Variants in LSM12 observed in about 807,000 individuals in gnomAD.
LSM12 encodes LSM12 homolog.
For synonymous variants in LSM12, 74 were observed against 87.3 expected, an observed-to-expected ratio of 0.85 and a Z score of 0.85; for missense variants, 108 against 238.9, an observed-to-expected ratio of 0.45 and a Z score of 3.61.
At chr17:44,062,701 G>A (rs1053256777) in intron 2 of LSM12, among the ~76,000 whole-genome samples, 5 of 151,844 alleles carry the variant, frequency 3.3e-5, no homozygotes, top group East Asian at 1.9e-4. Context: ...AGCCTGGCCA[G>A]CATGGTGAAA....
At chr17:44,053,417 GGA>G (rs1408654431) in intron 2 of LSM12, among the ~76,000 whole-genome samples, 1 of 152,128 alleles carries the variant, frequency 6.6e-6, no homozygotes, top group Non-Finnish European at 1.5e-5. Flanking sequence ...CACGTACCTT[GGA>G]CATATGACCA....
rs570918070 is a variant in LSM12 at position 44,040,355 on chromosome 17, G to C, written c.259-99C>G. On this transcript the variant is annotated intron_variant, in intron 2 of 4. Transcript: ENST00000293406. The stretch of plus-strand genomic sequence containing the variant: ...GAAGAAAGGAGGCCAGGAAAGACTT[G>C]TTTGGACAGATTCTGTTTTCTCAGA... 11 of 818,764 alleles carry C rather than the reference G, an allele frequency of 1.3e-5. No individual in the cohort carries two copies. The African/African-American group carries it at 1.4e-4, about 10-fold the overall frequency. 50.7% of individuals were successfully genotyped at this position (818,764 alleles called of 1,614,324 possible). A position where few individuals can be genotyped will look rare whatever the true frequency, so the allele number is the denominator to read the frequency against.
At chr17:44,057,262 G>T (rs2049728369) in intron 2 of LSM12, among the ~76,000 whole-genome samples, 1 of 149,464 alleles carries the variant, frequency 6.7e-6, no homozygotes, top group South Asian at 2.1e-4. Context: ...CCATTCTCCT[G>T]CCTCAGCCTC....
intron 2 of LSM12, among the ~76,000 whole-genome samples, chr17:44,042,705 C>CA (rs757244334): frequency 1.3e-5 from 2 of 152,162 alleles, no homozygotes; most frequent in Non-Finnish European, 2.9e-5. Context: ...GCTGGGACTA[C>CA]AGGCGCCTGC....
chr17:44,040,252 G>A lies in LSM12; in HGVS notation c.263C>T (p.Ala88Val). 1 of 1,612,302 alleles carries A rather than the reference G, an allele frequency of 6.2e-7. No homozygotes were observed. Among genetic ancestry groups the A allele is most frequent in the Non-Finnish European group, 8.5e-7 (1 of 1,178,568 alleles). The change falls in exon 3 of 5, where the codon GCC becomes GTC. Residue 88 changes from alanine (A) to valine (V), a missense_variant. Coordinates refer to ENST00000293406, the MANE Select transcript of LSM12 (RefSeq NM_001371445.1). ...PLASLNVSKL[A>V]SKARTEKEEK... Reference sequence around the variant, plus strand: ...CTCCTTCTCTGTCCGTGCTTTGCTGGCAAGCTAGGGTGGAAGAGAGGAAAG... The same window carrying A: ...CTCCTTCTCTGTCCGTGCTTTGCTGACAAGCTAGGGTGGAAGAGAGGAAAG...
At chr17:44,048,860 A>T (rs1024960939) in intron 2 of LSM12, among the ~76,000 whole-genome samples, 1 of 152,112 alleles carries the variant, frequency 6.6e-6, no homozygotes, top group African/African-American at 2.4e-5. Context: ...CAAAGGAGAA[A>T]AGTATATGCA....
At chr17:44,064,073 G>A (rs1224058967) in intron 1 of LSM12, 139 bp from the exon 2 acceptor site, 3 of 898,312 alleles carry the variant, frequency 3.3e-6, no homozygotes, top group Non-Finnish European at 4.9e-6. Context: ...AAGAATCACG[G>A]TTCTCCTCAG....
At chr17:44,044,782 A>C (rs2049539743) in intron 2 of LSM12, among the ~76,000 whole-genome samples, 1 of 152,222 alleles carries the variant, frequency 6.6e-6, no homozygotes, top group Non-Finnish European at 1.5e-5. Context: ...GCAGAACATG[A>C]ATATGCCTTC....
rs753666150 is a variant in LSM12, at chr17:44,040,134, G to A, written c.368+13C>T. Reference sequence around the variant, plus strand: ...TTACCCCAGGACAAAGGACCTCTCCGATCCCAACTCACGTCTTGTGAATGG... The same window carrying A: ...TTACCCCAGGACAAAGGACCTCTCCAATCCCAACTCACGTCTTGTGAATGG... On this transcript the variant is annotated intron_variant, in intron 3 of 4. Transcript: ENST00000293406. 1.7e-5 allele frequency: 27 copies of A among 1,603,240 alleles called. No homozygotes were observed. The highest frequency in any genetic ancestry group is 1.8e-4 in the Middle Eastern group (1 of 5,684).
At chr17:44,059,221 G>C (rs765036111) in intron 2 of LSM12, among the ~76,000 whole-genome samples, 1 of 152,010 alleles carries the variant, frequency 6.6e-6, no homozygotes, top group Non-Finnish European at 1.5e-5. Flanking sequence ...ACATAACTTA[G>C]CATTGTACAT....
chr17:44,062,079 G>A (rs750560597), intron 2 of LSM12, among the ~76,000 whole-genome samples: 8 of 152,082 alleles, frequency 5.3e-5, no homozygotes, highest in South Asian at 2.1e-4. Context: ...AAAGTTAGCC[G>A]GGCGTGGTGT....
chr17:44,047,140 T>C (rs2049579925), intron 2 of LSM12, among the ~76,000 whole-genome samples: 1 of 152,236 alleles, frequency 6.6e-6, no homozygotes, highest in Non-Finnish European at 1.5e-5. Context: ...ACTGTGGTTT[T>C]CACTTGTACT....
At chr17:44,064,456 C>T (rs1467114596) in intron 1 of LSM12, among the ~76,000 whole-genome samples, 6 of 152,244 alleles carry the variant, frequency 3.9e-5, no homozygotes, top group Middle Eastern at 3.4e-3. Flanking sequence ...CAGCCAGGCT[C>T]ACGTGATGGC....
intron 1 of LSM12, 66 bp from the exon 2 acceptor site, chr17:44,064,000 G>A: frequency 6.4e-7 from 1 of 1,561,672 alleles, no homozygotes; most frequent in South Asian, 1.2e-5. Context: ...TCCCAAAAGG[G>A]GCATAGAAAA....
At chr17:44,059,724 T>G (rs2049770151) in intron 2 of LSM12, among the ~76,000 whole-genome samples, 1 of 152,226 alleles carries the variant, frequency 6.6e-6, no homozygotes, top group African/African-American at 2.4e-5. Flanking sequence ...AGTTGAGCTA[T>G]TATTAAGTAT....
intron 2 of LSM12, among the ~76,000 whole-genome samples, chr17:44,052,582 A>G (rs2049660158): frequency 1.3e-5 from 2 of 151,946 alleles, no homozygotes; most frequent in Admixed American, 1.3e-4. Flanking sequence ...AACATGGTGA[A>G]ACCCCATCTC....
intron 2 of LSM12, among the ~76,000 whole-genome samples, chr17:44,057,367 C>T (rs1282323335): frequency 3.4e-5 from 5 of 148,060 alleles, no homozygotes; most frequent in Non-Finnish European, 7.5e-5. Flanking sequence ...CCAGGATGGT[C>T]TTGATCTCCT....
At chr17:44,051,998 C>A (rs1238041162) in intron 2 of LSM12, among the ~76,000 whole-genome samples, 4 of 152,014 alleles carry the variant, frequency 2.6e-5, no homozygotes, top group African/African-American at 9.7e-5. Context: ...ATCCCAGCTA[C>A]CTGGGAGGCT....
chr17:44,056,531 A>C (rs981917092), intron 2 of LSM12, among the ~76,000 whole-genome samples: 11 of 151,828 alleles, frequency 7.2e-5, no homozygotes, highest in Admixed American at 3.9e-4. Flanking sequence ...GTAAGGCAGA[A>C]GGACTGCTTG....
Sources: allele counts gnomAD v4.1 joint callset (sites outside exome capture counted in the v4.1 genomes callset), GRCh38; gene constraint gnomAD v4.1.1; transcripts MANE v1.5; gene names NCBI Gene and HGNC (gene_info 2026-07-23, HGNC 2026-07-21).